The following ZSWIM4 variants were observed in gnomAD, a reference collection of about 807,000 sequenced individuals.
ZSWIM4 encodes the protein zinc finger SWIM domain-containing protein 4.
A neutral mutation model predicts 102.5 loss-of-function variants in ZSWIM4; 62 were observed. That is an observed-to-expected ratio of 0.60 (90% CI 0.49 to 0.75). The LOEUF (loss-of-function observed/expected upper bound fraction) is 0.75. Ranked by LOEUF, ZSWIM4 falls within the 30% of genes least tolerant of loss-of-function variation. The pLI is 0.00. For synonymous variants in ZSWIM4, 652 were observed against 674.5 expected, an observed-to-expected ratio of 0.97 and a Z score of 0.52; for missense variants, 1,280 against 1,529.6, an observed-to-expected ratio of 0.84 and a Z score of 2.72.
chr19:13,814,968 G>C (rs62124256), intron 7 of ZSWIM4, 103 bp downstream of exon 7: 20 of 636,376 alleles, frequency 3.1e-5, no homozygotes, highest in African/African-American at 3.9e-5. Context: ...ATCAGCCTGG[G>C]CAACATAGTG....
Position 13,830,921 on chromosome 19 carries a change from C to T in ZSWIM4, c.3192C>T (p.Gly1064=). ...ATGGGGATTTCATCGAATTCCTGGG[C>T]AAGGCCCGGGAGACCTTCCTGCTGG... ...RHYGDFIEFL[G]KARETFLLAP... is the part of the protein sequence containing the mutation. The change falls in exon 14 of 14, where the codon GGC becomes GGT. Residue 1064 remains glycine, a synonymous_variant. Coordinates refer to ENST00000590508, the MANE Select transcript of ZSWIM4 (RefSeq NM_001367834.3). 6.2e-7 allele frequency: 1 copy of T among 1,614,242 alleles called. No individual in the cohort carries two copies. The highest frequency in any genetic ancestry group is 8.5e-7 in the Non-Finnish European group (1 of 1,180,038).
chr19:13,821,226 A>G (rs539865214), intron 10 of ZSWIM4, among the ~76,000 whole-genome samples: 1 of 150,928 alleles, frequency 6.6e-6, no homozygotes, highest in South Asian at 2.1e-4. Flanking sequence ...GGAGGTTGCA[A>G]TGAGCCCAGA....
intron 2 of ZSWIM4, among the ~76,000 whole-genome samples, chr19:13,803,433 G>T (rs879545702): frequency 1.3e-5 from 2 of 152,056 alleles, no homozygotes; most frequent in Non-Finnish European, 2.9e-5. Flanking sequence ...GTAACCCAAG[G>T]AATCAGAAAA....
rs545592299 is a variant in ZSWIM4, at chr19:13,816,055, G to T, written c.1532-1161G>T. Among the ~76,000 whole-genome samples the T allele has an allele frequency of 4.0e-3, 584 of 145,296 alleles. 3 individuals carry two copies. Among genetic ancestry groups the T allele is most frequent in the South Asian group, 0.014 (58 of 4,148 alleles). On this transcript the variant is annotated intron_variant, in intron 7 of 13. Transcript: ENST00000590508. ...GAGATGGGGGGAGAGAGAGGGGAAG[G>T]AAGGAAGGGAGGGAGGGAAGGAGGC... is the stretch of plus-strand genomic sequence containing the variant.
At chr19:13,804,392 C>T (rs1248687450) in intron 2 of ZSWIM4, among the ~76,000 whole-genome samples, 4 of 151,994 alleles carry the variant, frequency 2.6e-5, no homozygotes, top group African/African-American at 9.6e-5. Context: ...ATCACTTGAA[C>T]CTGGGAGGTG....
chr19:13,824,558 T>C (rs1975554159), intron 11 of ZSWIM4, among the ~76,000 whole-genome samples: 1 of 151,768 alleles, frequency 6.6e-6, no homozygotes, highest in African/African-American at 2.4e-5. Flanking sequence ...ATGGTGAAAC[T>C]CTGTGTCTAC....
intron 10 of ZSWIM4, 28 bp downstream of exon 10, chr19:13,819,520 A>AG: frequency 8.2e-7 from 1 of 1,214,734 alleles, no homozygotes; most frequent in Non-Finnish European, 1.1e-6. Flanking sequence ...AGGCAGTGGC[A>AG]GGGGGAGCTG....
chr19:13,814,823 C>A lies in ZSWIM4; in HGVS notation c.1489C>A (p.Gln497Lys). Residue 497 changes from glutamine to lysine, a missense_variant, in exon 7 of 14, where the codon CAG (glutamine) becomes AAG (lysine). Physicochemically the swap from Gln to Lys is moderately conservative, Grantham distance 53. Coordinates refer to ENST00000590508, the MANE Select transcript of ZSWIM4 (RefSeq NM_001367834.3). ...TGCCATCATCAACACACTCCGGCTG[C>A]AGCAGCGGCATCAGCTAGAGAGCTA... ...ASAIINTLRL[Q>K]QRHQLESYKQ... 1 of 1,272,802 alleles carries A rather than the reference C, an allele frequency of 7.9e-7. No homozygotes were observed. The highest frequency in any genetic ancestry group is 1.0e-6 in the Non-Finnish European group (1 of 975,718). 78.8% of individuals were successfully genotyped at this position (1,272,802 alleles called of 1,614,324 possible). A position where few individuals can be genotyped will look rare whatever the true frequency, so the allele number is the denominator to read the frequency against.
In ZSWIM4 at chr19:13,808,838, GC is replaced by G; in HGVS notation, c.719del (p.Pro240GlnfsTer26). 6.2e-7 allele frequency: 1 copy of G among 1,602,142 alleles called. No homozygotes were observed. Among genetic ancestry groups the G allele is most frequent in the Non-Finnish European group, 8.5e-7 (1 of 1,174,330 alleles). On this transcript the variant is annotated frameshift_variant, in exon 4 of 14. Coordinates refer to ENST00000590508, the MANE Select transcript of ZSWIM4 (RefSeq NM_001367834.3). LOFTEE classifies it high-confidence loss of function. ...LGSEINLVNG[A>X]PDPTAGAGIE... The stretch of plus-strand genomic sequence containing the variant: ...TTCCTTTCCCTCCCTCCCGGCAGGT[GC>G]CCCAGACCCCACCGCCGGCGCAGGA...
At chr19:13,828,294 A>G (rs1416299393) in intron 12 of ZSWIM4, among the ~76,000 whole-genome samples, 1 of 152,074 alleles carries the variant, frequency 6.6e-6, no homozygotes, top group Non-Finnish European at 1.5e-5. Flanking sequence ...CTGTAATCCC[A>G]GCTACTTGGG....
chr19:13,817,395 G>C (rs754167648), intron 8 of ZSWIM4, 42 bp downstream of exon 8: 19 of 1,589,404 alleles, frequency 1.2e-5, no homozygotes, highest in Non-Finnish European at 2.6e-6. Context: ...GGACAACCCC[G>C]CCTCGTTGGC....
At chr19:13,813,767 A>C (rs552437776) in intron 6 of ZSWIM4, among the ~76,000 whole-genome samples, 2 of 151,790 alleles carry the variant, frequency 1.3e-5, no homozygotes, top group Non-Finnish European at 2.9e-5. Flanking sequence ...CAAAAAATAC[A>C]AAAATTAGCT....
intron 6 of ZSWIM4, 39 bp from the exon 7 acceptor site, chr19:13,814,476 A>AC (rs902781623): frequency 5.9e-5 from 65 of 1,097,042 alleles, no homozygotes; most frequent in East Asian, 7.5e-5. Context: ...TGCTATAGGG[A>AC]CCCCCCCTCA....
At position 13,809,109 on chromosome 19, in the gene ZSWIM4, C is replaced by T. The variant is rs1293487304; in HGVS notation, c.901C>T (p.Arg301Cys). 3.7e-6 allele frequency: 6 copies of T among 1,613,772 alleles called. No individual in the cohort carries two copies. Among genetic ancestry groups the T allele is most frequent in the Non-Finnish European group, 8.5e-7 (1 of 1,179,772 alleles). The change falls in exon 5 of 14, where the codon CGC becomes TGC. Residue 301 changes from arginine (R) to cysteine (C), a missense_variant. Arg to Cys is a radical substitution (Grantham distance 180). Coordinates refer to ENST00000590508, the MANE Select transcript of ZSWIM4 (RefSeq NM_001367834.3). This position sits in a 1 kb window ranked among gnomAD's most constrained non-coding sequence, Gnocchi z 4.2. The part of the protein sequence containing the change: ...MLRMRDSNGA[R>C]MLILMTEQFL... ...GCGAATGCGGGACTCCAACGGGGCGCGCATGCTGATTCTCATGACCGAGCA... is the reference window on the plus strand; with the variant it reads ...GCGAATGCGGGACTCCAACGGGGCGTGCATGCTGATTCTCATGACCGAGCA...
chr19:13,810,156 G>A lies in ZSWIM4; in HGVS notation c.1012+936G>A, dbSNP rs1481034413. ...ACTACAGGCACCCGCCACTAAGTCC[G>A]GCTAATTTTTTGTATTTTTTTTATT... On this transcript the variant is annotated intron_variant, in intron 5 of 13. Transcript: ENST00000590508. Among the ~76,000 whole-genome samples, 10 of 151,524 alleles carry A rather than the reference G, an allele frequency of 6.6e-5. No individual in the cohort carries two copies. In the East Asian group the frequency reaches 9.7e-4, roughly 15 times the overall value.
chr19:13,814,726 C>T lies in ZSWIM4; in HGVS notation c.1392C>T (p.Phe464=). The T allele has an allele frequency of 4.7e-6, 6 of 1,288,746 alleles. No homozygotes were observed. Among genetic ancestry groups the T allele is most frequent in the Non-Finnish European group, 6.1e-6 (6 of 988,048 alleles). 79.8% of individuals were successfully genotyped at this position (1,288,746 alleles called of 1,614,324 possible). The part of the protein sequence containing the change: ...QGRPLWLGEP[F]PTACARVDTL... The stretch of plus-strand genomic sequence containing the variant: ...GCCCACTGTGGCTGGGAGAACCTTT[C>T]CCCACTGCCTGTGCCCGTGTGGACA... Residue 464 remains phenylalanine (F), a synonymous_variant, in exon 7 of 14, where the codon TTC becomes TTT. Transcript: ENST00000590508.
Position 13,823,380 on chromosome 19 carries a change from G to C in ZSWIM4, c.2095G>C (p.Glu699Gln), listed in dbSNP as rs1467637291. Residue 699 changes from glutamate (E) to glutamine (Q), a missense_variant, in exon 11 of 14, where the codon GAA becomes CAA. Transcript: ENST00000590508. ...ACTGGAGACAGCATTTCCTGCTGGA[G>C]AACCTCATCCCAGCCCGCTGGACTC... The part of the protein sequence containing the change: ...PILETAFPAG[E>Q]PHPSPLDSIM... 6.2e-7 allele frequency: 1 copy of C among 1,613,996 alleles called. No homozygotes were observed. Among genetic ancestry groups the C allele is most frequent in the Non-Finnish European group, 8.5e-7 (1 of 1,179,978 alleles).
chr19:13,805,248 G>T, intron 3 of ZSWIM4, 100 bp downstream of exon 3: 13 of 1,167,270 alleles, frequency 1.1e-5, no homozygotes, highest in Non-Finnish European at 1.6e-5. Context: ...ACAGAAAGTT[G>T]TGGGGGCGGG....
chr19:13,822,160 A>G (rs1028655612), intron 10 of ZSWIM4, among the ~76,000 whole-genome samples: 1 of 121,850 alleles, frequency 8.2e-6, no homozygotes, highest in South Asian at 2.6e-4. Context: ...ACACACACAC[A>G]CATACACACA....
Sources: gnomAD v4.1 joint callset for allele counts (sites outside exome capture counted in the v4.1 genomes callset) on GRCh38, gnomAD v4.1.1 for gene constraint, Gnocchi (gnomAD v3.1) non-coding constraint, MANE v1.5 for transcripts, NCBI Gene and HGNC (gene_info 2026-07-23, HGNC 2026-07-21) for gene names.